Variants in CELSR1 observed in about 807,000 individuals in gnomAD.
CELSR1 encodes the protein adhesion G protein-coupled receptor C1.
Under a neutral mutation model 249.1 loss-of-function variants are expected in CELSR1, and 110 were observed. That is an observed-to-expected ratio of 0.44 (90% CI 0.38 to 0.52). CELSR1 has a LOEUF of 0.52. Ranked by LOEUF, CELSR1 falls within the 20% of genes least tolerant of loss-of-function variation. CELSR1 has a pLI of 0.00. For synonymous variants in CELSR1, 2,113 were observed against 1,900.0 expected (o/e 1.11, Z -2.92); for missense variants, 4,109 against 4,296.4 (o/e 0.96, Z 1.22).
At position 46,384,244 on chromosome 22, in the gene CELSR1, G is replaced by T. The variant is rs1330549328; in HGVS notation, c.6883+299C>A. Among the ~76,000 whole-genome samples, 4 of 152,292 alleles carry T rather than the reference G, an allele frequency of 2.6e-5. No individual in the cohort carries two copies. The East Asian group carries it at 5.8e-4, about 22-fold the overall frequency. ...AGCCGCCGCGCCTGGCCTGGATTTT[G>T]ATTTTTTTATTGTTTCATGCTTACG... On this transcript the variant is annotated intron_variant, in intron 20 of 34. Transcript: ENST00000674500.
chr22:46,375,157 C>T (rs982699278), intron 24 of CELSR1, among the ~76,000 whole-genome samples: 1 of 152,160 alleles, frequency 6.6e-6, no homozygotes, highest in Non-Finnish European at 1.5e-5. Flanking sequence ...GAGCAGCTCG[C>T]CGGAAGGTTC....
At position 46,369,664 on chromosome 22, in the gene CELSR1, C is replaced by T. The variant is rs537961722; in HGVS notation, c.7872+28G>A. ...CCAGCTCATGCATGTTTGGGGCACC[C>T]GGACTCCCGTGAAGGCCCCACACTC... On this transcript the variant is annotated intron_variant, in intron 26 of 34. Coordinates refer to ENST00000674500, the MANE Select transcript of CELSR1 (RefSeq NM_001378328.1). 44 of 1,598,596 alleles carry T rather than the reference C, an allele frequency of 2.8e-5. 1 individual carries two copies. In the South Asian group the frequency reaches 3.6e-4, roughly 13 times the overall value.
intron 5 of CELSR1, among the ~76,000 whole-genome samples, chr22:46,431,141 G>C (rs6008822): frequency 6.6e-6 from 1 of 152,084 alleles, no homozygotes; most frequent in Non-Finnish European, 1.5e-5. Flanking sequence ...CGTCCTCTGT[G>C]TATCTTCTTA....
chr22:46,374,050 G>GC lies in CELSR1; in HGVS notation c.7585-994dup. Among the ~76,000 whole-genome samples, 1 of 152,348 alleles carries GC rather than the reference G, an allele frequency of 6.6e-6. No homozygotes were observed. The highest frequency in any genetic ancestry group is 2.4e-5 in the African/African-American group (1 of 41,580). On this transcript the variant is annotated intron_variant, in intron 24 of 34. Transcript: ENST00000674500. The surrounding 1 kb of genome is among the most constrained non-coding windows in gnomAD (Gnocchi z 4.3). ...GTGGGGAGGGCCCCAAGTCAGCATC[G>GC]CATCTGTCAGATACGGAACAGAGCA...
In CELSR1 at chr22:46,380,137, G is replaced by A. The variant is rs952216495; in HGVS notation, c.7256+651C>T. Reference sequence around the variant, plus strand: ...GGTGCTGAATCCAGTCTCACGTGTGGGTGAGAATCACTCATTTTGCATTTT... The same window carrying A: ...GGTGCTGAATCCAGTCTCACGTGTGAGTGAGAATCACTCATTTTGCATTTT... On this transcript the variant is annotated intron_variant, in intron 22 of 34. Coordinates refer to ENST00000674500, the MANE Select transcript of CELSR1 (RefSeq NM_001378328.1). This position sits in a 1 kb window ranked among gnomAD's most constrained non-coding sequence, Gnocchi z 5.1. 3.3e-5 allele frequency among the ~76,000 whole-genome samples: 5 copies of A among 152,184 alleles called. No individual in the cohort carries two copies. The highest frequency in any genetic ancestry group is 1.2e-4 in the African/African-American group (5 of 41,424).
chr22:46,381,707 GTC>G lies in CELSR1; in HGVS notation c.7088+137_7088+138del, dbSNP rs1363322335. 5.3e-5 allele frequency: 42 copies of G among 788,934 alleles called. No homozygotes were observed. The Middle Eastern group carries it at 1.8e-3, about 34-fold the overall frequency. The allele number at this position is 788,934 out of a possible 1,614,324, so 48.9% of individuals were successfully genotyped here. Reference sequence around the variant, plus strand: ...CTCCAAGGACCACCACAAGGCAATGGTCTCTGTCTCTGGGCCAGGGTCACGGT... The same window carrying G: ...CTCCAAGGACCACCACAAGGCAATGGTCTGTCTCTGGGCCAGGGTCACGGT... On this transcript the variant is annotated intron_variant, in intron 21 of 34. Transcript: ENST00000674500. The surrounding 1 kb of genome is among the most constrained non-coding windows in gnomAD (Gnocchi z 6.0).
At position 46,365,385 on chromosome 22, in the gene CELSR1, G is replaced by A; in HGVS notation, c.8405-5C>T. On this transcript the variant is annotated splice_polypyrimidine_tract_variant and splice_region_variant and intron_variant, in intron 31 of 34. Transcript: ENST00000674500. ...TATCTGAGTCGGAATCGTGGCCTGT[G>A]GATGCGCGGGGGACAGGGAGGCTCA... 6.2e-7 allele frequency: 1 copy of A among 1,612,402 alleles called. No homozygotes were observed. The highest frequency in any genetic ancestry group is 8.5e-7 in the Non-Finnish European group (1 of 1,179,884).
intron 1 of CELSR1, among the ~76,000 whole-genome samples, chr22:46,509,262 G>A (rs892975243): frequency 1.7e-4 from 26 of 152,210 alleles, no homozygotes; most frequent in Non-Finnish European, 3.4e-4. Context: ...GGGCTCCAAT[G>A]ACCCCATGTG....
At chr22:46,487,444 C>A (rs1241852635) in intron 1 of CELSR1, among the ~76,000 whole-genome samples, 4 of 144,882 alleles carry the variant, frequency 2.8e-5, no homozygotes, top group Non-Finnish European at 6.0e-5. Context: ...TCTAGGGATG[C>A]CAAGAGGGAA....
At position 46,445,260 on chromosome 22, in the gene CELSR1, G is replaced by A. The variant is rs1195466601; in HGVS notation, c.4184-5849C>T. On this transcript the variant is annotated intron_variant, in intron 2 of 34. Transcript: ENST00000674500. This position sits in a 1 kb window ranked among gnomAD's most constrained non-coding sequence, Gnocchi z 4.4. ...TGTCATCCCAGCACTTTGGGAGGCC[G>A]AGGCAGGTGGATCACCTGAGGTCAG... Among the ~76,000 whole-genome samples the A allele has an allele frequency of 3.3e-5, 5 of 152,164 alleles. No homozygotes were observed. The highest frequency in any genetic ancestry group is 6.6e-5 in the Admixed American group (1 of 15,258).
At chr22:46,457,217 T>C (rs62227027) in intron 2 of CELSR1, among the ~76,000 whole-genome samples, 2,055 of 152,038 alleles carry the variant, frequency 0.014, 20 homozygotes, top group Non-Finnish European at 0.021. Context: ...TGGTGGTGCA[T>C]GCCTGTAATC....
rs1412016003 is a variant in CELSR1 at position 46,473,069 on chromosome 22, G to A, written c.3545-8724C>T. Among the ~76,000 whole-genome samples the A allele has an allele frequency of 6.6e-6, 1 of 152,142 alleles. No homozygotes were observed. Among genetic ancestry groups the A allele is most frequent in the Non-Finnish European group, 1.5e-5 (1 of 68,030 alleles). On this transcript the variant is annotated intron_variant, in intron 1 of 34. Transcript: ENST00000674500. This position sits in a 1 kb window ranked among gnomAD's most constrained non-coding sequence, Gnocchi z 6.6. ...AGTAGCGGAGAGACACGGGCACGGA[G>A]GCAGGGGGTGGGTGAACCTCCGACT... is the stretch of plus-strand genomic sequence containing the variant.
rs2147333435 is a variant in CELSR1, at chr22:46,410,995, C to T, written c.4770-434G>A. On this transcript the variant is annotated intron_variant, in intron 6 of 34. Transcript: ENST00000674500. The surrounding 1 kb of genome is among the most constrained non-coding windows in gnomAD (Gnocchi z 6.8). Reference sequence around the variant, plus strand: ...GGCTGAGGCGGGCAGATCACGAGGTCAAGAGATCGAGACCATCCTGGCCAA... The same window carrying T: ...GGCTGAGGCGGGCAGATCACGAGGTTAAGAGATCGAGACCATCCTGGCCAA... Among the ~76,000 whole-genome samples, 1 of 152,158 alleles carries T rather than the reference C, an allele frequency of 6.6e-6. No homozygotes were observed. Among genetic ancestry groups the T allele is most frequent in the Non-Finnish European group, 1.5e-5 (1 of 67,986 alleles).
chr22:46,484,295 A>T lies in CELSR1; in HGVS notation c.3545-19950T>A, dbSNP rs1602199281. Among the ~76,000 whole-genome samples the T allele has an allele frequency of 6.6e-6, 1 of 152,244 alleles. No homozygotes were observed. The highest frequency in any genetic ancestry group is 1.5e-5 in the Non-Finnish European group (1 of 68,012). On this transcript the variant is annotated intron_variant, in intron 1 of 34. Coordinates refer to ENST00000674500, the MANE Select transcript of CELSR1 (RefSeq NM_001378328.1). This position sits in a 1 kb window ranked among gnomAD's most constrained non-coding sequence, Gnocchi z 4.5. ...AGCAAGACCGCTGGGAGGGTCCTGC[A>T]GGGGACAGAGTCCCTCCTTCCACCA...
In CELSR1 at chr22:46,409,708, C is replaced by G; in HGVS notation, c.5059+47G>C. The G allele has an allele frequency of 1.2e-6, 2 of 1,606,118 alleles. No homozygotes were observed. The highest frequency in any genetic ancestry group is 1.7e-6 in the Non-Finnish European group (2 of 1,179,408). On this transcript the variant is annotated intron_variant, in intron 8 of 34. Transcript: ENST00000674500. This position sits in a 1 kb window ranked among gnomAD's most constrained non-coding sequence, Gnocchi z 9.8. ...TCCCGGGCACATCAAGGAGCAATGCCTCCCAGGCCGCCGTGACCGGGGGGA... is the reference window on the plus strand; with the variant it reads ...TCCCGGGCACATCAAGGAGCAATGCGTCCCAGGCCGCCGTGACCGGGGGGA...
In CELSR1 at chr22:46,429,340, AAAACAAAC is replaced by A. The variant is rs373758360; in HGVS notation, c.4611+4045_4611+4052del. On this transcript the variant is annotated intron_variant, in intron 5 of 34. Transcript: ENST00000674500. The surrounding 1 kb of genome is among the most constrained non-coding windows in gnomAD (Gnocchi z 4.1). Reference sequence around the variant, plus strand: ...CACCTTCAAACCAGCCTTGAGGGAAAAAACAAACAAACAAACAAACAAAAAACCAGCCT... The same window carrying A: ...CACCTTCAAACCAGCCTTGAGGGAAAAAACAAACAAACAAAAAACCAGCCT... Among the ~76,000 whole-genome samples, 1 of 152,108 alleles carries A rather than the reference AAAACAAAC, an allele frequency of 6.6e-6. No homozygotes were observed. The highest frequency in any genetic ancestry group is 2.4e-5 in the African/African-American group (1 of 41,376).
rs2080736306 is a variant in CELSR1 at position 46,526,110 on chromosome 22, T to C, written c.3544+7517A>G. Among the ~76,000 whole-genome samples the C allele has an allele frequency of 6.6e-6, 1 of 152,142 alleles. No individual in the cohort carries two copies. The highest frequency in any genetic ancestry group is 1.5e-5 in the Non-Finnish European group (1 of 68,006). ...GAGGTGGGCGCCCTGCCCTGGTGAG[T>C]CCATGTCCCGTGGACCTGTGGCCCC... On this transcript the variant is annotated intron_variant, in intron 1 of 34. Coordinates refer to ENST00000674500, the MANE Select transcript of CELSR1 (RefSeq NM_001378328.1). This position sits in a 1 kb window ranked among gnomAD's most constrained non-coding sequence, Gnocchi z 4.7.
chr22:46,490,941 C>T lies in CELSR1; in HGVS notation c.3545-26596G>A, dbSNP rs1157709573. Among the ~76,000 whole-genome samples, 2 of 152,162 alleles carry T rather than the reference C, an allele frequency of 1.3e-5. No individual in the cohort carries two copies. Among genetic ancestry groups the T allele is most frequent in the South Asian group, 2.1e-4 (1 of 4,836 alleles). ...GGTCCAGTGACTTGCCCAAGGCCAC[C>T]TGAGGGCTGCCTCTGCACCCACAGG... On this transcript the variant is annotated intron_variant, in intron 1 of 34. Transcript: ENST00000674500. The surrounding 1 kb of genome is among the most constrained non-coding windows in gnomAD (Gnocchi z 5.2).
intron 1 of CELSR1, among the ~76,000 whole-genome samples, chr22:46,532,163 A>G (rs528662176): frequency 2.5e-4 from 38 of 152,320 alleles, no homozygotes; most frequent in African/African-American, 8.7e-4. Flanking sequence ...TGTTCCCACT[A>G]TCTCGTCCCT....
Sources: gnomAD v4.1 joint callset for allele counts (sites outside exome capture counted in the v4.1 genomes callset) on GRCh38, gnomAD v4.1.1 for gene constraint, Gnocchi (gnomAD v3.1) non-coding constraint, MANE v1.5 for transcripts, NCBI Gene and HGNC (gene_info 2026-07-23, HGNC 2026-07-21) for gene names.